S100Z: variants seen among roughly 807,000 people sequenced by gnomAD.
S100Z encodes protein S100-Z.
S100Z carries 11 observed loss-of-function variants against 8.5 expected under a neutral mutation model. The ratio of observed to expected loss-of-function variants is 1.30; its 90% CI spans 0.82 to 2.15. S100Z has a LOEUF of 2.15. Ranked by LOEUF, S100Z falls within the 30% of genes most tolerant of loss-of-function variation. The probability of loss-of-function intolerance (pLI) is 0.00; values close to 1 mark genes in which losing one functional copy is unlikely to be tolerated. For missense variants in S100Z, 126 were observed against 117.9 expected (o/e 1.07, Z -0.32); for synonymous variants, 34 against 43.8 (o/e 0.78, Z 0.89).
chr5:76,923,079 C>T (rs1289627253), downstream of S100Z, among the ~76,000 whole-genome samples: 1 of 151,430 alleles, frequency 6.6e-6, no homozygotes, highest in Non-Finnish European at 1.5e-5. Context: ...TTTAATAATT[C>T]CGTGACATCA....
At chr5:76,938,461 G>A in the S100Z span, among the ~76,000 whole-genome samples, 2 of 122,164 alleles carry the variant, frequency 1.6e-5, no homozygotes, top group Non-Finnish European at 3.9e-5. Context: ...AATGAGAGGT[G>A]AAAGACAGGA....
At chr5:76,925,941 TG>T, downstream of S100Z, among the ~76,000 whole-genome samples, 1 of 152,292 alleles carries the variant, frequency 6.6e-6, no homozygotes, top group South Asian at 2.1e-4. Context: ...CATTCCAGCC[TG>T]GGTGACAGAG....
chr5:76,946,292 A>G, the S100Z span, among the ~76,000 whole-genome samples: 1 of 152,140 alleles, frequency 6.6e-6, no homozygotes, highest in Non-Finnish European at 1.5e-5. Context: ...TTAATAGATG[A>G]TGTCATTCAA....
chr5:76,867,538 A>G (rs1580001558), intron 1 of S100Z, among the ~76,000 whole-genome samples: 2 of 145,772 alleles, frequency 1.4e-5, no homozygotes, highest in Non-Finnish European at 3.0e-5. Context: ...TTTTGCTCCC[A>G]CCTTTGTGGA....
At chr5:76,944,274 G>T in the S100Z span, among the ~76,000 whole-genome samples, 1 of 152,130 alleles carries the variant, frequency 6.6e-6, no homozygotes, top group Admixed American at 6.5e-5. Context: ...TCCCTAGTTT[G>T]TAACTAGGTG....
intron 1 of S100Z, among the ~76,000 whole-genome samples, chr5:76,859,488 T>C (rs1438549159): frequency 6.6e-6 from 1 of 151,932 alleles, no homozygotes; most frequent in African/African-American, 2.4e-5. Flanking sequence ...CTGTTTAAAG[T>C]GAGAAGCCTC....
At chr5:76,852,597 C>G (rs1249673475) in intron 1 of S100Z, among the ~76,000 whole-genome samples, 1 of 152,144 alleles carries the variant, frequency 6.6e-6, no homozygotes, top group Non-Finnish European at 1.5e-5. Context: ...GTAATCCCAG[C>G]TACTCAGGAG....
At chr5:76,876,906 G>T (rs927699983) in intron 3 of S100Z, among the ~76,000 whole-genome samples, 1 of 152,054 alleles carries the variant, frequency 6.6e-6, no homozygotes, top group Non-Finnish European at 1.5e-5. Context: ...AGGAGAGGTG[G>T]GTGCTTCACA....
At chr5:76,928,458 A>G in the S100Z span, among the ~76,000 whole-genome samples, 1 of 152,208 alleles carries the variant, frequency 6.6e-6, no homozygotes, top group Non-Finnish European at 1.5e-5. Context: ...GGCATATTTT[A>G]TATAATAAAA....
At chr5:76,924,404 A>G (rs1348490227), downstream of S100Z, among the ~76,000 whole-genome samples, 3 of 152,134 alleles carry the variant, frequency 2.0e-5, no homozygotes. Context: ...GTTCACTTTC[A>G]GCAAAGCTTC....
the S100Z span, among the ~76,000 whole-genome samples, chr5:76,933,938 T>C: frequency 9.6e-4 from 147 of 152,348 alleles, 1 homozygote; most frequent in African/African-American, 3.5e-3. Context: ...TTTGTCTCTA[T>C]GAATTTGCCT....
At chr5:76,940,155 CAA>C in the S100Z span, among the ~76,000 whole-genome samples, 183 of 116,806 alleles carry the variant, frequency 1.6e-3, no homozygotes, top group South Asian at 3.3e-3. Context: ...GACTCCATCT[CAA>C]AAAAAAAAAA....
intron 4 of S100Z, among the ~76,000 whole-genome samples, chr5:76,918,951 C>G (rs1488995370): frequency 6.6e-6 from 1 of 152,188 alleles, no homozygotes; most frequent in South Asian, 2.1e-4. Context: ...TGGTACCTAG[C>G]CTTTTCAGAT....
At chr5:76,947,987 C>T in the S100Z span, among the ~76,000 whole-genome samples, 44 of 152,150 alleles carry the variant, frequency 2.9e-4, no homozygotes, top group African/African-American at 9.6e-4. Flanking sequence ...TAAGCACAGG[C>T]AACAAAAGCA....
the S100Z span, among the ~76,000 whole-genome samples, chr5:76,927,212 T>C: frequency 2.6e-5 from 4 of 152,346 alleles, no homozygotes; most frequent in Middle Eastern, 6.8e-3. Flanking sequence ...CTTTCTGTGC[T>C]CTGGGGGAGA....
chr5:76,931,146 C>T, the S100Z span, among the ~76,000 whole-genome samples: 29 of 151,496 alleles, frequency 1.9e-4, no homozygotes, highest in African/African-American at 6.3e-4. Flanking sequence ...ACTCGGTCGT[C>T]GAGGGTTGGA....
At chr5:76,887,097 TTTC>T (rs1366409121) in intron 4 of S100Z, among the ~76,000 whole-genome samples, 3 of 151,476 alleles carry the variant, frequency 2.0e-5, no homozygotes, top group Non-Finnish European at 4.4e-5. Context: ...TTTCTTTTCT[TTTC>T]TTTTTTTTTT....
At chr5:76,877,885 T>TA (rs1743256927) in intron 4 of S100Z, 51 bp downstream of exon 4, 15 of 1,314,882 alleles carry the variant, frequency 1.1e-5, no homozygotes, top group Non-Finnish European at 1.6e-5. Flanking sequence ...GTTATGTACT[T>TA]AATGTTCATT....
chr5:76,892,091 T>C (rs1472468165), intron 4 of S100Z, among the ~76,000 whole-genome samples: 1 of 152,160 alleles, frequency 6.6e-6, no homozygotes, highest in Non-Finnish European at 1.5e-5. Context: ...ACCTTCAATG[T>C]GGAGAACTGG....
Sources: gnomAD v4.1 joint callset for allele counts (sites outside exome capture counted in the v4.1 genomes callset) on GRCh38, gnomAD v4.1.1 for gene constraint, MANE v1.5 for transcripts, NCBI Gene and HGNC (gene_info 2026-07-23, HGNC 2026-07-21) for gene names.